Variants in TTLL5 observed in about 807,000 individuals in gnomAD.
The protein encoded by TTLL5 is tubulin polyglutamylase TTLL5.
A neutral mutation model predicts 168.4 loss-of-function variants in TTLL5; 132 were observed. The observed-to-expected ratio is 0.78, with a 90% CI of 0.68 to 0.91. The LOEUF (loss-of-function observed/expected upper bound fraction) is 0.91. Among genes scored for constraint, TTLL5 ranks in the 40% least tolerant of loss-of-function variants. TTLL5 has a pLI of 0.00. For missense variants in TTLL5, 1,545 were observed against 1,581.5 expected (o/e 0.98, Z 0.39); for synonymous variants, 546 against 558.6 (o/e 0.98, Z 0.32).
chr14:75,773,889 C>CAA (rs1158824704), intron 21 of TTLL5, among the ~76,000 whole-genome samples: 13 of 36,002 alleles, frequency 3.6e-4, no homozygotes, highest in African/African-American at 1.2e-3. Context: ...GATACCGTCT[C>CAA]AAAAAAAAAA....
chr14:75,673,445 G>A (rs1883896146), intron 3 of TTLL5, among the ~76,000 whole-genome samples: 1 of 152,168 alleles, frequency 6.6e-6, no homozygotes, highest in Admixed American at 6.5e-5. Context: ...GTGGTATGGT[G>A]GAAAGAGTGT....
At position 75,793,053 on chromosome 14, in the gene TTLL5, G is replaced by A; in HGVS notation, c.3124G>A (p.Ala1042Thr). 6.2e-7 allele frequency: 1 copy of A among 1,613,804 alleles called. No homozygotes were observed. Among genetic ancestry groups the A allele is most frequent in the Non-Finnish European group, 8.5e-7 (1 of 1,179,814 alleles). ...TCAGCGGCTAGCTGAGAAGCAGGCA[G>A]CGAGACAGTATTCTCCATCCAGCCA... is the stretch of plus-strand genomic sequence containing the variant. ...ELQRLAEKQA[A>T]RQYSPSSHIN... The change falls in exon 27 of 32, where the codon GCG becomes ACG. Residue 1042 changes from alanine to threonine, a missense_variant. Ala to Thr is a moderately conservative substitution (Grantham distance 58). Coordinates refer to ENST00000298832, the MANE Select transcript of TTLL5 (RefSeq NM_015072.5).
intron 17 of TTLL5, 116 bp downstream of exon 17, chr14:75,745,697 A>C (rs1889566212): frequency 1.3e-6 from 1 of 770,036 alleles, no homozygotes; most frequent in Admixed American, 2.8e-5. Flanking sequence ...TTGTTTATTT[A>C]TAATATGATA....
intron 27 of TTLL5, among the ~76,000 whole-genome samples, chr14:75,810,516 C>T (rs909920919): frequency 6.6e-6 from 1 of 151,776 alleles, no homozygotes; most frequent in Non-Finnish European, 1.5e-5. Flanking sequence ...TACAGGCATG[C>T]ACCACCATGC....
At chr14:75,917,834 G>A (rs989696627) in intron 31 of TTLL5, among the ~76,000 whole-genome samples, 1 of 152,224 alleles carries the variant, frequency 6.6e-6, no homozygotes, top group South Asian at 2.1e-4. Context: ...GAGAGGGCTT[G>A]GGAATCACCC....
In TTLL5 at chr14:75,752,925, A is replaced by C. The variant is rs201413053; in HGVS notation, c.1520A>C (p.Tyr507Ser). 7 of 1,613,524 alleles carry C rather than the reference A, an allele frequency of 4.3e-6. No individual in the cohort carries two copies. The African/African-American group carries it at 8.0e-5, about 18-fold the overall frequency. ...SYLEHKTSMN[Y>S]MLATRLFQDR... ...CTCGAGCATAAGACCTCAATGAACT[A>C]TATGCTGGCAACACGCCTCTTCCAG... The change falls in exon 18 of 32, where the codon TAT becomes TCT. Residue 507 changes from tyrosine (Y) to serine (S), a missense_variant. Physicochemically the swap from Tyr to Ser is moderately radical, Grantham distance 144 (BLOSUM62 -2). Coordinates refer to ENST00000298832, the MANE Select transcript of TTLL5 (RefSeq NM_015072.5).
chr14:75,784,260 C>T (rs1413850670), intron 26 of TTLL5, among the ~76,000 whole-genome samples: 1 of 152,172 alleles, frequency 6.6e-6, no homozygotes, highest in East Asian at 1.9e-4. Context: ...CTATTCTGGA[C>T]ATTTTTATAT....
intron 3 of TTLL5, among the ~76,000 whole-genome samples, chr14:75,672,736 T>G (rs1883841699): frequency 6.6e-6 from 1 of 152,166 alleles, no homozygotes. Context: ...TTTGGTAGTT[T>G]ATGTGTTTCT....
chr14:75,898,776 T>C lies in TTLL5; in HGVS notation c.3741-3366T>C, dbSNP rs188608755. On this transcript the variant is annotated intron_variant, in intron 30 of 31. Coordinates refer to ENST00000298832, the MANE Select transcript of TTLL5 (RefSeq NM_015072.5). ...CTGACACTGGCAGAAAAATACATAT[T>C]AGATTTATTAAGAGATAACCTGTCA... Among the ~76,000 whole-genome samples the C allele has an allele frequency of 7.9e-5, 12 of 152,324 alleles. No individual in the cohort carries two copies. In the East Asian group the frequency reaches 2.3e-3, roughly 29 times the overall value.
chr14:75,840,610 A>T (rs1414636578), intron 28 of TTLL5, among the ~76,000 whole-genome samples: 6 of 152,158 alleles, frequency 3.9e-5, no homozygotes, highest in Non-Finnish European at 8.8e-5. Flanking sequence ...AGGTATGGGG[A>T]TCGTTGGGGG....
rs1278300781 is a variant in TTLL5, at chr14:75,734,194, G to C, written c.1186+144G>C. The C allele has an allele frequency of 4.0e-6, 3 of 749,856 alleles. No individual in the cohort carries two copies. The Admixed American group carries it at 7.5e-5, about 19-fold the overall frequency. 46.5% of individuals were successfully genotyped at this position (749,856 alleles called of 1,614,324 possible). On this transcript the variant is annotated intron_variant, in intron 14 of 31. Coordinates refer to ENST00000298832, the MANE Select transcript of TTLL5 (RefSeq NM_015072.5). ...TAAAAAATTATATTTTCAGGGAAAT[G>C]TTTATATGTTTCTACGACACTTGGC...
rs929543482 is a variant in TTLL5, at chr14:75,703,162, A to G, written c.586-3856A>G. ...GTGAGGAGAGGGAATGCTGAGGCAG[A>G]GGGTCTGGGAGCAGAACTAATGTGA... On this transcript the variant is annotated intron_variant, in intron 7 of 31. Coordinates refer to ENST00000298832, the MANE Select transcript of TTLL5 (RefSeq NM_015072.5). Among the ~76,000 whole-genome samples the G allele has an allele frequency of 3.3e-5, 5 of 152,302 alleles. No homozygotes were observed. The East Asian group carries it at 5.8e-4, about 18-fold the overall frequency.
chr14:75,763,255 CTG>C (rs60621403), intron 18 of TTLL5, among the ~76,000 whole-genome samples: 123 of 58,556 alleles, frequency 2.1e-3, no homozygotes, highest in African/African-American at 4.9e-3. Flanking sequence ...AGCTCTCTCT[CTG>C]TGTGTGTGTG....
intron 27 of TTLL5, among the ~76,000 whole-genome samples, chr14:75,813,220 G>GTGTGTGTT (rs2140396937): frequency 6.6e-6 from 1 of 150,482 alleles, no homozygotes; most frequent in African/African-American, 2.4e-5. Context: ...GTGTGTGTGT[G>GTGTGTGTT]TGTGTTTCAG....
At chr14:75,784,223 TCTA>T (rs1242071149) in intron 26 of TTLL5, among the ~76,000 whole-genome samples, 4 of 152,194 alleles carry the variant, frequency 2.6e-5, no homozygotes, top group Non-Finnish European at 4.4e-5. Context: ...CAACCACTGA[TCTA>T]CTTCTCTGTT....
intron 29 of TTLL5, among the ~76,000 whole-genome samples, chr14:75,878,646 T>C (rs2031633474): frequency 1.3e-5 from 2 of 152,242 alleles, no homozygotes; most frequent in South Asian, 4.1e-4. Flanking sequence ...GTCAGAGTAG[T>C]AATATTAAGA....
intron 12 of TTLL5, among the ~76,000 whole-genome samples, chr14:75,723,257 A>T (rs576003870): frequency 6.6e-6 from 1 of 152,204 alleles, no homozygotes; most frequent in Admixed American, 6.5e-5. Context: ...ACCCAGTTGC[A>T]TGTCAGCGTC....
Position 75,717,908 on chromosome 14 carries a change from A to C in TTLL5, c.788A>C (p.Gln263Pro), listed in dbSNP as rs771775731. Residue 263 changes from glutamine (Q) to proline (P), a missense_variant, in exon 10 of 32, where the codon CAG becomes CCG. Gln to Pro is a moderately conservative substitution (Grantham distance 76). Transcript: ENST00000298832. ...CAAGGAGCCAAGAACATTCGGAACC[A>C]GTTCATGCATCTGACAAACTACAGT... ...YDQGAKNIRN[Q>P]FMHLTNYSVN... The C allele has an allele frequency of 3.1e-6, 5 of 1,613,750 alleles. No individual in the cohort carries two copies. Among genetic ancestry groups the C allele is most frequent in the Non-Finnish European group, 3.4e-6 (4 of 1,179,872 alleles).
At chr14:75,742,304 G>A (rs937209717) in intron 15 of TTLL5, among the ~76,000 whole-genome samples, 1 of 151,972 alleles carries the variant, frequency 6.6e-6, no homozygotes, top group Non-Finnish European at 1.5e-5. Flanking sequence ...CTCTCTTTAC[G>A]TAATTTGAGA....
Sources: gnomAD v4.1 joint callset for allele counts (sites outside exome capture counted in the v4.1 genomes callset) on GRCh38, gnomAD v4.1.1 for gene constraint, MANE v1.5 for transcripts, NCBI Gene and HGNC (gene_info 2026-07-23, HGNC 2026-07-21) for gene names.